The following RAD17 variants were observed in gnomAD, a reference collection of about 807,000 sequenced individuals.
RAD17 encodes the protein RAD17 checkpoint clamp loader component.
In RAD17, 31 loss-of-function variants were observed where a neutral mutation model predicts 81.5. That is an observed-to-expected ratio of 0.38 (90% CI 0.29 to 0.51). The LOEUF is 0.51. RAD17 is among the 20% of genes least tolerant of loss of function. The pLI, the probability that RAD17 is intolerant of heterozygous loss-of-function variation, is 0.88. For synonymous variants in RAD17, 261 were observed against 266.2 expected (o/e 0.98, Z 0.19); for missense variants, 681 against 781.2 (o/e 0.87, Z 1.53).
rs72281552 is a variant in RAD17, at chr5:69,398,868, TAAAAA to T, written c.1573-1165_1573-1161del. 7.6e-4 allele frequency among the ~76,000 whole-genome samples: 83 copies of T among 109,880 alleles called. 1 individual carries two copies. The highest frequency in any genetic ancestry group is 5.1e-4 in the Admixed American group (5 of 9,772). 72.1% of individuals were successfully genotyped at this position (109,880 alleles called of 152,430 possible). On this transcript the variant is annotated intron_variant, in intron 16 of 18. Coordinates refer to ENST00000354868, the MANE Select transcript of RAD17 (RefSeq NM_133338.3). ...TTCAGAATTTCTGGAATCTCCTGGT[TAAAAA>T]AAAAAAAAAAAAAAAGAGGCCAGGT...
At chr5:69,375,914 G>A (rs934400903) in intron 6 of RAD17, among the ~76,000 whole-genome samples, 5 of 151,934 alleles carry the variant, frequency 3.3e-5, no homozygotes, top group African/African-American at 1.2e-4. Context: ...AGACCAGGCC[G>A]GTTGACTTGT....
intron 6 of RAD17, among the ~76,000 whole-genome samples, chr5:69,377,121 T>C (rs1442846404): frequency 6.6e-6 from 1 of 152,108 alleles, no homozygotes; most frequent in African/African-American, 2.4e-5. Context: ...GGTTTAGGGC[T>C]AAGATCATGA....
intron 15 of RAD17, among the ~76,000 whole-genome samples, chr5:69,395,297 G>A (rs904542908): frequency 6.6e-6 from 1 of 152,134 alleles, no homozygotes. Flanking sequence ...GATCACTTGA[G>A]GCCAGAAGTT....
intron 6 of RAD17, among the ~76,000 whole-genome samples, chr5:69,376,760 CTCT>C (rs1206045488): frequency 2.5e-5 from 1 of 39,450 alleles, no homozygotes; most frequent in Non-Finnish European, 1.3e-4. Flanking sequence ...AGATCCTTCT[CTCT>C]TTTTTTTTTC....
At chr5:69,374,484 A>G in intron 5 of RAD17, 144 bp from the exon 6 acceptor site, 1 of 556,596 alleles carries the variant, frequency 1.8e-6, no homozygotes, top group Non-Finnish European at 3.1e-6. Context: ...AAATTCAAGT[A>G]TAATCAAAAG....
intron 6 of RAD17, 144 bp from the exon 7 acceptor site, chr5:69,381,757 G>C: frequency 1.7e-6 from 1 of 576,166 alleles, no homozygotes; most frequent in Non-Finnish European, 2.8e-6. Flanking sequence ...ATTCCAGCAA[G>C]CATTATTATG....
chr5:69,379,186 A>C (rs1270282044), intron 6 of RAD17, among the ~76,000 whole-genome samples: 1 of 152,192 alleles, frequency 6.6e-6, no homozygotes, highest in Non-Finnish European at 1.5e-5. Flanking sequence ...CAGTGAGCTG[A>C]GATAGTGCCA....
At chr5:69,371,304 G>T (rs1762966445) in intron 2 of RAD17, 133 bp downstream of exon 2, 22 of 452,454 alleles carry the variant, frequency 4.9e-5, no homozygotes, top group East Asian at 1.1e-4. Flanking sequence ...TTAGAATTTT[G>T]ATTTCTTGTA....
At chr5:69,379,055 A>T (rs1258148449) in intron 6 of RAD17, among the ~76,000 whole-genome samples, 1 of 152,204 alleles carries the variant, frequency 6.6e-6, no homozygotes, top group Non-Finnish European at 1.5e-5. Flanking sequence ...CAGCCTGGCC[A>T]ACATGGTGAA....
chr5:69,406,064 G>A (rs897138747), intron 17 of RAD17, among the ~76,000 whole-genome samples: 4 of 150,192 alleles, frequency 2.7e-5, no homozygotes, highest in Non-Finnish European at 4.4e-5. Flanking sequence ...AAAAGAATAT[G>A]AAGTCAGTAT....
At chr5:69,413,251 G>A (rs948904009) in intron 18 of RAD17, among the ~76,000 whole-genome samples, 2 of 152,020 alleles carry the variant, frequency 1.3e-5, no homozygotes, top group African/African-American at 4.8e-5. Context: ...GATTACCCTG[G>A]CCAACATGGT....
chr5:69,394,809 C>T (rs1490058472), intron 15 of RAD17, among the ~76,000 whole-genome samples: 7 of 152,276 alleles, frequency 4.6e-5, no homozygotes, highest in East Asian at 1.9e-4. Context: ...ACCTGTAAAC[C>T]CAGCACTTAA....
chr5:69,383,364 C>G (rs995682947), intron 7 of RAD17, among the ~76,000 whole-genome samples: 1 of 151,036 alleles, frequency 6.6e-6, no homozygotes, highest in East Asian at 1.9e-4. Context: ...GTTTTCTTTT[C>G]TTTATTATTA....
Position 69,372,180 on chromosome 5 carries a change from A to G in RAD17, c.-29A>G, listed in dbSNP as rs766556007. On this transcript the variant is annotated 5_prime_UTR_variant, in exon 4 of 19. Transcript: ENST00000354868. ...AGAGGAAAGGGGCCAAGATTATAGT[A>G]CCAGTCACAATCTTTTGATGAGGAC... 2 of 1,608,166 alleles carry G rather than the reference A, an allele frequency of 1.2e-6. No individual in the cohort carries two copies. Among genetic ancestry groups the G allele is most frequent in the South Asian group, 2.2e-5 (2 of 90,524 alleles).
At chr5:69,376,418 A>C (rs955402201) in intron 6 of RAD17, among the ~76,000 whole-genome samples, 1 of 152,210 alleles carries the variant, frequency 6.6e-6, no homozygotes. Context: ...AGGGTTGTTT[A>C]GTTACCTTGA....
intron 12 of RAD17, among the ~76,000 whole-genome samples, chr5:69,390,422 A>T (rs568822711): frequency 6.6e-6 from 1 of 152,048 alleles, no homozygotes; most frequent in Non-Finnish European, 1.5e-5. Flanking sequence ...TGAGCCTAGG[A>T]GTTTGAAACC....
intron 4 of RAD17, 91 bp downstream of exon 4, chr5:69,372,308 T>C: frequency 8.3e-7 from 1 of 1,211,692 alleles, no homozygotes; most frequent in Non-Finnish European, 1.2e-6. Flanking sequence ...AAGAGTGAAG[T>C]GTGACTTAGC....
At chr5:69,369,527 G>A (rs750116889), upstream of RAD17, 23 of 1,611,114 alleles carry the variant, frequency 1.4e-5, no homozygotes, top group Middle Eastern at 3.5e-4. Flanking sequence ...CCTCGCTCAC[G>A]TGCCCTTTGC....
At chr5:69,413,901 A>C (rs1043820480) in intron 18 of RAD17, 130 bp from the exon 19 acceptor site, 2 of 1,124,550 alleles carry the variant, frequency 1.8e-6, no homozygotes. Flanking sequence ...TTGTTTTTAT[A>C]GTTAAAGGGA....
Sources: allele counts gnomAD v4.1 joint callset (sites outside exome capture counted in the v4.1 genomes callset), GRCh38; gene constraint gnomAD v4.1.1; transcripts MANE v1.5; gene names NCBI Gene and HGNC (gene_info 2026-07-23, HGNC 2026-07-21).